The following EIF3J variants were observed in gnomAD, a reference collection of about 807,000 sequenced individuals.
EIF3J encodes the protein eukaryotic translation initiation factor 3 subunit J.
A neutral mutation model predicts 39.0 loss-of-function variants in EIF3J; 15 were observed. That is an observed-to-expected ratio of 0.38 (90% CI 0.26 to 0.59). The LOEUF (loss-of-function observed/expected upper bound fraction) is 0.59, where lower values mean the gene tolerates loss of function less well. Ranked by LOEUF, EIF3J falls within the 20% of genes least tolerant of loss-of-function variation. The probability of loss-of-function intolerance (pLI) is 0.60; values close to 1 mark genes in which losing one functional copy is unlikely to be tolerated. For synonymous variants in EIF3J, 98 were observed against 112.9 expected, an observed-to-expected ratio of 0.87 and a Z score of 0.84; for missense variants, 226 against 308.6, an observed-to-expected ratio of 0.73 and a Z score of 2.00.
Position 44,537,386 on chromosome 15 carries a change from G to A in EIF3J, c.106G>A (p.Gly36Arg), listed in dbSNP as rs749155010. The change falls in exon 2 of 8, where the codon GGG becomes AGG. Residue 36 changes from glycine to arginine, a missense_variant. This residue lies in a region of EIF3J where 143 missense variants were observed against 156.0 expected (regional missense o/e 0.92). Coordinates refer to ENST00000261868, the MANE Select transcript of EIF3J (RefSeq NM_003758.4). ...RKVGGGGTAG[G>R]DRWEGEDEDE... is the part of the protein sequence containing the mutation. ...GGTGGGGGGCGGCGGCACTGCCGGCGGGGACCGCTGGGAAGGCGAGGACGA... is the reference window on the plus strand; with the variant it reads ...GGTGGGGGGCGGCGGCACTGCCGGCAGGGACCGCTGGGAAGGCGAGGACGA... The A allele has an allele frequency of 8.9e-6, 14 of 1,565,306 alleles. No individual in the cohort carries two copies. The highest frequency in any genetic ancestry group is 1.4e-5 in the African/African-American group (1 of 74,026).
In EIF3J at chr15:44,557,031, G is replaced by A. The variant is rs566078902; in HGVS notation, c.410-458G>A. 3.9e-5 allele frequency among the ~76,000 whole-genome samples: 6 copies of A among 152,230 alleles called. No individual in the cohort carries two copies. In the East Asian group the frequency reaches 1.2e-3, roughly 29 times the overall value. ...GAAAACCTGTTATATATAAATAGAT[G>A]TCAAAATACTAAAATGACAAATTTG... On this transcript the variant is annotated intron_variant, in intron 5 of 7. Transcript: ENST00000261868.
chr15:44,544,068 G>A (rs1216089018), intron 2 of EIF3J, among the ~76,000 whole-genome samples: 1 of 146,892 alleles, frequency 6.8e-6, no homozygotes, highest in African/African-American at 2.5e-5. Context: ...TTGCAGACCA[G>A]TTTTTTTCTT....
Position 44,547,391 on chromosome 15 carries a change from C to T in EIF3J, c.148-3485C>T, listed in dbSNP as rs1387282908. Among the ~76,000 whole-genome samples the T allele has an allele frequency of 3.3e-5, 5 of 151,782 alleles. No homozygotes were observed. In the East Asian group the frequency reaches 5.8e-4, roughly 18 times the overall value. ...TTCCCGACCTCAGGTGATCTGCCTGCCTTGGCCTCCCAAAGTGTTGGGATT... is the reference window on the plus strand; with the variant it reads ...TTCCCGACCTCAGGTGATCTGCCTGTCTTGGCCTCCCAAAGTGTTGGGATT... On this transcript the variant is annotated intron_variant, in intron 2 of 7. Coordinates refer to ENST00000261868, the MANE Select transcript of EIF3J (RefSeq NM_003758.4).
At chr15:44,559,368 C>T (rs532144098) in intron 6 of EIF3J, among the ~76,000 whole-genome samples, 122 of 148,056 alleles carry the variant, frequency 8.2e-4, no homozygotes, top group African/African-American at 1.9e-3. Flanking sequence ...GCCGAGATCA[C>T]GCCACTGTAC....
chr15:44,543,417 CTTTT>C (rs759322625), intron 2 of EIF3J, among the ~76,000 whole-genome samples: 6 of 135,432 alleles, frequency 4.4e-5, no homozygotes, highest in Non-Finnish European at 8.0e-5. Context: ...ATAGGAACCA[CTTTT>C]TTTTTTTTTT....
chr15:44,557,423 T>C lies in EIF3J; in HGVS notation c.410-66T>C, dbSNP rs572458514. 3.6e-5 allele frequency: 46 copies of C among 1,268,448 alleles called. No individual in the cohort carries two copies. In the South Asian group the frequency reaches 7.7e-4, roughly 21 times the overall value. 78.6% of individuals were successfully genotyped at this position (1,268,448 alleles called of 1,614,324 possible). On this transcript the variant is annotated intron_variant, in intron 5 of 7. Coordinates refer to ENST00000261868, the MANE Select transcript of EIF3J (RefSeq NM_003758.4). ...AGGGTTATTCAGATAGCTATTGGCT[T>C]TGTAAGGTTTCATTTTTAAAAATCC...
chr15:44,539,856 A>T (rs566773257), intron 2 of EIF3J, among the ~76,000 whole-genome samples: 1 of 145,838 alleles, frequency 6.9e-6, no homozygotes, highest in African/African-American at 2.6e-5. Context: ...CGCCTCCCGG[A>T]TTCAAGTGAT....
rs756594012 is a variant in EIF3J, at chr15:44,560,338, G to A, written c.645+16G>A. 4.3e-6 allele frequency: 7 copies of A among 1,610,868 alleles called. No homozygotes were observed. The East Asian group carries it at 1.1e-4, about 26-fold the overall frequency. ...GCAAGAAAAGGTAAGAGCAAGCTGT[G>A]TAGGGAAATGGGTATTAAATTAGAG... On this transcript the variant is annotated intron_variant, in intron 7 of 7. Transcript: ENST00000261868.
At chr15:44,554,796 A>G (rs2140900327) in intron 5 of EIF3J, 129 bp downstream of exon 5, 1 of 523,760 alleles carries the variant, frequency 1.9e-6, no homozygotes, top group East Asian at 3.2e-5. Context: ...GCAGTTTTTA[A>G]TCTCTGTGTA....
Position 44,539,414 on chromosome 15 carries a change from C to CT in EIF3J, c.147+1997dup, listed in dbSNP as rs904672708. Among the ~76,000 whole-genome samples, 41 of 145,336 alleles carry CT rather than the reference C, an allele frequency of 2.8e-4. No homozygotes were observed. In the East Asian group the frequency reaches 4.3e-3, roughly 15 times the overall value. On this transcript the variant is annotated intron_variant, in intron 2 of 7. Transcript: ENST00000261868. ...ACAAAGATTATCTTGTCCAGTTGCTCTTTTTTTTTTGGAAATGGAGTCTCG... is the reference window on the plus strand; with the variant it reads ...ACAAAGATTATCTTGTCCAGTTGCTCTTTTTTTTTTTGGAAATGGAGTCTCG...
At chr15:44,549,548 T>C (rs2082081493) in intron 2 of EIF3J, among the ~76,000 whole-genome samples, 2 of 151,826 alleles carry the variant, frequency 1.3e-5, no homozygotes, top group Non-Finnish European at 2.9e-5. Context: ...GGCGGGCGGA[T>C]CATGAGATCA....
At chr15:44,537,477 T>C in intron 2 of EIF3J, 50 bp downstream of exon 2, 2 of 1,449,660 alleles carry the variant, frequency 1.4e-6, no homozygotes, top group Non-Finnish European at 1.8e-6. Flanking sequence ...CTGGCGCTGT[T>C]GCCGGCCGAC....
intron 4 of EIF3J, among the ~76,000 whole-genome samples, chr15:44,553,623 G>T (rs1380483013): frequency 6.6e-6 from 1 of 152,260 alleles, no homozygotes; most frequent in African/African-American, 2.4e-5. Flanking sequence ...TTTAAAATTT[G>T]TTATAGTGGT....
rs1213093590 is a variant in EIF3J at position 44,561,969 on chromosome 15, C to G, written c.*820C>G. The G allele has an allele frequency of 6.6e-6, 1 of 152,594 alleles. No individual in the cohort carries two copies. Among genetic ancestry groups the G allele is most frequent in the African/African-American group, 2.4e-5 (1 of 41,444 alleles). 9.5% of individuals were successfully genotyped at this position (152,594 alleles called of 1,614,324 possible). Reference sequence around the variant, plus strand: ...ATTTCCTTTCCTTTCCTTTATAAAACATGCTCAGCAAACTGCACCAGTTAA... The same window carrying G: ...ATTTCCTTTCCTTTCCTTTATAAAAGATGCTCAGCAAACTGCACCAGTTAA... On this transcript the variant is annotated 3_prime_UTR_variant, in exon 8 of 8. Transcript: ENST00000261868.
At chr15:44,542,163 AAGGC>A (rs1345978042) in intron 2 of EIF3J, among the ~76,000 whole-genome samples, 2 of 152,176 alleles carry the variant, frequency 1.3e-5, no homozygotes, top group African/African-American at 4.8e-5. Context: ...AGAATTTACT[AAGGC>A]AGGCACCTTG....
Position 44,553,999 on chromosome 15 carries a change from C to T in EIF3J, c.295-554C>T, listed in dbSNP as rs549861590. Among the ~76,000 whole-genome samples, 6 of 151,388 alleles carry T rather than the reference C, an allele frequency of 4.0e-5. No homozygotes were observed. The South Asian group carries it at 6.2e-4, about 16-fold the overall frequency. Reference sequence around the variant, plus strand: ...AGTCTTCCTGGGTACAAATCTGTCACGTTACCAGCTGTTACCTTCTATTTA... The same window carrying T: ...AGTCTTCCTGGGTACAAATCTGTCATGTTACCAGCTGTTACCTTCTATTTA... On this transcript the variant is annotated intron_variant, in intron 4 of 7. Transcript: ENST00000261868.
intron 6 of EIF3J, among the ~76,000 whole-genome samples, chr15:44,559,492 C>T (rs567959354): frequency 1.9e-4 from 29 of 151,432 alleles, no homozygotes; most frequent in Admixed American, 4.0e-4. Flanking sequence ...AGGCGGATCA[C>T]GTCAGGAGAT....
At position 44,546,816 on chromosome 15, in the gene EIF3J, C is replaced by CTTT. The variant is rs1160471321; in HGVS notation, c.148-4034_148-4032dup. Among the ~76,000 whole-genome samples the CTTT allele has an allele frequency of 2.1e-3, 167 of 78,904 alleles. 24 individuals are homozygous for CTTT. Among genetic ancestry groups the CTTT allele is most frequent in the African/African-American group, 7.4e-3 (144 of 19,590 alleles). The allele number at this position is 78,904 out of a possible 152,430, so 51.8% of individuals were successfully genotyped here. ...GGCATAGAAAAAACAGAGTATAGAT[C>CTTT]TTTTTTTTTTTTTTTTTTTTTTTTT... On this transcript the variant is annotated intron_variant, in intron 2 of 7. Coordinates refer to ENST00000261868, the MANE Select transcript of EIF3J (RefSeq NM_003758.4).
In EIF3J at chr15:44,560,897, C is replaced by T; in HGVS notation, c.646-121C>T. 5 of 1,355,162 alleles carry T rather than the reference C, an allele frequency of 3.7e-6. No homozygotes were observed. In the South Asian group the frequency reaches 4.3e-5, roughly 12 times the overall value. The allele number at this position is 1,355,162 out of a possible 1,614,324, so 83.9% of individuals were successfully genotyped here. A position where few individuals can be genotyped will look rare whatever the true frequency, so the allele number is the denominator to read the frequency against. ...CCAAAACATGTAGGCTCGGATGTCC[C>T]TTACAGAACTAGTGTTTCTGGGACC... On this transcript the variant is annotated intron_variant, in intron 7 of 7. Transcript: ENST00000261868.
Sources: allele counts gnomAD v4.1 joint callset (sites outside exome capture counted in the v4.1 genomes callset), GRCh38; gene constraint gnomAD v4.1.1; regional missense constraint gnomAD v4.1.1; transcripts MANE v1.5; gene names NCBI Gene and HGNC (gene_info 2026-07-23, HGNC 2026-07-21).